Variants in KIF18A observed in about 807,000 individuals in gnomAD.
The protein encoded by KIF18A is kinesin-like protein KIF18A.
Under a neutral mutation model 103.3 loss-of-function variants are expected in KIF18A, and 67 were observed. That is an observed-to-expected ratio of 0.65 (90% confidence interval 0.53 to 0.79). KIF18A has a LOEUF of 0.79. KIF18A is among the 30% of genes least tolerant of loss of function. The pLI, the probability that KIF18A is intolerant of heterozygous loss-of-function variation, is 0.00. For missense variants in KIF18A, 1,032 were observed against 1,062.5 expected, an observed-to-expected ratio of 0.97 and a Z score of 0.40; for synonymous variants, 367 against 355.5, an observed-to-expected ratio of 1.03 and a Z score of -0.36.
At chr11:28,091,602 G>T in intron 3 of KIF18A, 89 bp from the exon 4 acceptor site, 1 of 594,636 alleles carries the variant, frequency 1.7e-6, no homozygotes, top group Non-Finnish European at 2.9e-6. Flanking sequence ...AAAGTTATTA[G>T]AATTTTATCC....
intron 15 of KIF18A, among the ~76,000 whole-genome samples, chr11:28,033,524 A>G (rs1850438394): frequency 6.6e-6 from 1 of 151,860 alleles, no homozygotes; most frequent in African/African-American, 2.4e-5. Flanking sequence ...AGTACCATTC[A>G]GCCATGAAAC....
intron 12 of KIF18A, among the ~76,000 whole-genome samples, chr11:28,061,746 T>TA (rs1850858790): frequency 6.6e-6 from 1 of 152,098 alleles, no homozygotes; most frequent in African/African-American, 2.4e-5. Flanking sequence ...AATAGATTCT[T>TA]AGAGTAGCAG....
At chr11:28,065,044 C>A (rs1383429098) in intron 11 of KIF18A, among the ~76,000 whole-genome samples, 1 of 151,988 alleles carries the variant, frequency 6.6e-6, no homozygotes, top group Non-Finnish European at 1.5e-5. Flanking sequence ...TGAACGAAAG[C>A]AGAAGGACCA....
chr11:28,077,727 G>A (rs570539060), intron 9 of KIF18A, among the ~76,000 whole-genome samples: 1 of 152,270 alleles, frequency 6.6e-6, no homozygotes, highest in African/African-American at 2.4e-5. Context: ...CAGACCATAC[G>A]GTTAGGTACC....
chr11:28,042,118 A>G (rs753659729), intron 13 of KIF18A, among the ~76,000 whole-genome samples: 1 of 151,712 alleles, frequency 6.6e-6, no homozygotes, highest in Non-Finnish European at 1.5e-5. Context: ...TGAGGCTGTG[A>G]TTTCTTATTC....
At chr11:28,068,926 A>C (rs537408978) in intron 11 of KIF18A, among the ~76,000 whole-genome samples, 1 of 152,266 alleles carries the variant, frequency 6.6e-6, no homozygotes, top group South Asian at 2.1e-4. Context: ...TTACACACAC[A>C]CACCCCCTTT....
At position 28,084,793 on chromosome 11, in the gene KIF18A, T is replaced by C; in HGVS notation, c.913A>G (p.Ile305Val). 4.3e-6 allele frequency: 7 copies of C among 1,610,742 alleles called. No homozygotes were observed. Among genetic ancestry groups the C allele is most frequent in the Non-Finnish European group, 5.9e-6 (7 of 1,178,562 alleles). The change falls in exon 7 of 17, where the codon ATC becomes GTC. Residue 305 changes from isoleucine (I) to valine (V), a missense_variant. Physicochemically the swap from Ile to Val is conservative, Grantham distance 29. Transcript: ENST00000263181. ...GTAAGCTTACTATTTCTGTAAGGGA[T>C]ATGCTGATTCTTTCTCTGAAAGCAC... is the stretch of plus-strand genomic sequence containing the variant. ...LADSKRKNQH[I>V]PYRNSKLTRL...
chr11:28,055,949 A>G (rs562596949), intron 13 of KIF18A, among the ~76,000 whole-genome samples: 64 of 152,208 alleles, frequency 4.2e-4, no homozygotes, highest in African/African-American at 1.4e-3. Flanking sequence ...GCATGACCAT[A>G]CTAAAATTCA....
At chr11:28,069,680 A>G (rs1850985007) in intron 10 of KIF18A, among the ~76,000 whole-genome samples, 1 of 152,114 alleles carries the variant, frequency 6.6e-6, no homozygotes, top group African/African-American at 2.4e-5. Flanking sequence ...CGACCAAATC[A>G]AAGACTATAA....
At chr11:28,089,384 T>A (rs1472531630) in intron 5 of KIF18A, among the ~76,000 whole-genome samples, 1 of 152,158 alleles carries the variant, frequency 6.6e-6, no homozygotes, top group Admixed American at 6.5e-5. Flanking sequence ...TTTGGGGTAA[T>A]AAGTAGGAGC....
Position 28,025,864 on chromosome 11 carries a change from T to C in KIF18A, c.2505-2014A>G, listed in dbSNP as rs186242219. Among the ~76,000 whole-genome samples, 130 of 152,126 alleles carry C rather than the reference T, an allele frequency of 8.5e-4. No individual in the cohort carries two copies. In the Middle Eastern group the frequency reaches 0.014, roughly 16 times the overall value. On this transcript the variant is annotated intron_variant, in intron 15 of 16. Coordinates refer to ENST00000263181, the MANE Select transcript of KIF18A (RefSeq NM_031217.4). ...CTCCCTTATATAGGTAGAATGTTTC[T>C]ACTCAACATAATACCTCTTCTACTA...
chr11:28,043,854 T>C (rs1850595501), intron 13 of KIF18A, among the ~76,000 whole-genome samples: 1 of 151,854 alleles, frequency 6.6e-6, no homozygotes, highest in South Asian at 2.1e-4. Context: ...TTTTCCTTTT[T>C]ATACATTTGA....
rs78107368 is a variant in KIF18A at position 28,048,055 on chromosome 11, A to T, written c.1948+10871T>A. 4.3e-3 allele frequency among the ~76,000 whole-genome samples: 661 copies of T among 152,234 alleles called. 7 individuals carry two copies. Among genetic ancestry groups the T allele is most frequent in the African/African-American group, 0.015 (637 of 41,566 alleles). On this transcript the variant is annotated intron_variant, in intron 13 of 16. Coordinates refer to ENST00000263181, the MANE Select transcript of KIF18A (RefSeq NM_031217.4). ...TAATTCTTACAAAACAAAATGGATA[A>T]GAGCAAAATAAGGCAAAGGAAGAGG... is the stretch of plus-strand genomic sequence containing the variant.
At chr11:28,102,111 C>T (rs1444618884) in intron 1 of KIF18A, among the ~76,000 whole-genome samples, 1 of 152,114 alleles carries the variant, frequency 6.6e-6, no homozygotes, top group Non-Finnish European at 1.5e-5. Context: ...AGAGAATCCC[C>T]TTCCCTCTTT....
chr11:28,028,171 A>C (rs948110882), intron 15 of KIF18A, among the ~76,000 whole-genome samples: 9 of 152,096 alleles, frequency 5.9e-5, no homozygotes, highest in Non-Finnish European at 1.3e-4. Context: ...ACTCTCACCA[A>C]GCGGACTTAA....
At chr11:28,091,326 GGAAA>G in intron 4 of KIF18A, 79 bp downstream of exon 4, 1 of 650,504 alleles carries the variant, frequency 1.5e-6, no homozygotes. Context: ...CAAACAGGAT[GGAAA>G]GTAAGTGCAT....
intron 13 of KIF18A, among the ~76,000 whole-genome samples, chr11:28,053,366 T>G (rs1850736044): frequency 6.6e-6 from 1 of 152,052 alleles, no homozygotes; most frequent in African/African-American, 2.4e-5. Flanking sequence ...CACAAAATAT[T>G]TTTCTAATTT....
chr11:28,094,569 T>A, intron 3 of KIF18A, 74 bp downstream of exon 3: 2 of 1,035,478 alleles, frequency 1.9e-6, no homozygotes, highest in Non-Finnish European at 2.9e-6. Flanking sequence ...AAAACTCTTA[T>A]ATAATAAAAT....
intron 13 of KIF18A, among the ~76,000 whole-genome samples, chr11:28,038,625 T>C (rs563880244): frequency 7.5e-4 from 114 of 151,800 alleles, no homozygotes; most frequent in East Asian, 6.6e-3. Context: ...AAAATACACT[T>C]AAACAATCAG....
Sources: allele counts gnomAD v4.1 joint callset (sites outside exome capture counted in the v4.1 genomes callset), GRCh38; gene constraint gnomAD v4.1.1; transcripts MANE v1.5; gene names NCBI Gene and HGNC (gene_info 2026-07-23, HGNC 2026-07-21).